The following ATP11A variants were observed in gnomAD, a reference collection of about 807,000 sequenced individuals.
ATP11A encodes the protein ATPase phospholipid transporting 11A.
A neutral mutation model predicts 154.4 loss-of-function variants in ATP11A; 81 were observed. The observed-to-expected ratio is 0.52, with a 90% CI of 0.44 to 0.63. The LOEUF (loss-of-function observed/expected upper bound fraction) is 0.63. Among genes scored for constraint, ATP11A ranks in the 30% least tolerant of loss-of-function variants. The pLI is 0.00. For missense variants in ATP11A, 1,316 were observed against 1,474.3 expected, an observed-to-expected ratio of 0.89 and a Z score of 1.76; for synonymous variants, 623 against 585.9, an observed-to-expected ratio of 1.06 and a Z score of -0.91.
intron 1 of ATP11A, among the ~76,000 whole-genome samples, chr13:112,722,996 G>C (rs538334213): frequency 2.0e-5 from 3 of 152,140 alleles, no homozygotes; most frequent in Non-Finnish European, 4.4e-5. Flanking sequence ...AAGGAGTAAG[G>C]TTCTATCTAA....
At chr13:112,819,445 T>A (rs754272095) in intron 7 of ATP11A, 38 bp downstream of exon 7, 2 of 1,586,390 alleles carry the variant, frequency 1.3e-6, no homozygotes, top group East Asian at 4.5e-5. Flanking sequence ...AACGGTTTTT[T>A]ATGCCCTCAA....
chr13:112,849,569 G>T (rs1305115587), intron 17 of ATP11A, among the ~76,000 whole-genome samples: 1 of 152,172 alleles, frequency 6.6e-6, no homozygotes, highest in African/African-American at 2.4e-5. Flanking sequence ...TATATATCTT[G>T]TATGTTTTAT....
chr13:112,821,213 C>A (rs548575098), intron 8 of ATP11A, among the ~76,000 whole-genome samples: 1 of 152,254 alleles, frequency 6.6e-6, no homozygotes, highest in East Asian at 1.9e-4. Context: ...GGCTTTTCAT[C>A]TTTATAGTTA....
At chr13:112,836,831 C>A (rs947732478) in intron 16 of ATP11A, among the ~76,000 whole-genome samples, 2 of 152,212 alleles carry the variant, frequency 1.3e-5, no homozygotes, top group African/African-American at 4.8e-5. Flanking sequence ...GTGACCCACA[C>A]GGTTGGGCAC....
chr13:112,702,536 T>C (rs1168825059), intron 1 of ATP11A, among the ~76,000 whole-genome samples: 1 of 152,138 alleles, frequency 6.6e-6, no homozygotes, highest in Non-Finnish European at 1.5e-5. Flanking sequence ...CAGGGTGGGT[T>C]CTTGTGTTCC....
intron 17 of ATP11A, among the ~76,000 whole-genome samples, chr13:112,848,307 A>G (rs1013491073): frequency 2.0e-5 from 3 of 152,074 alleles, no homozygotes; most frequent in Non-Finnish European, 2.9e-5. Context: ...TTTATTCATA[A>G]GTATTTTACT....
At chr13:112,707,415 C>CA (rs35020608) in intron 1 of ATP11A, among the ~76,000 whole-genome samples, 2,396 of 80,500 alleles carry the variant, frequency 0.03, 32 homozygotes, top group African/African-American at 0.047. Flanking sequence ...AATTCTGTCT[C>CA]AAAAAAAAAA....
At position 112,785,253 on chromosome 13, in the gene ATP11A, C is replaced by G; in HGVS notation, c.158C>G (p.Ser53Cys). 6.6e-7 allele frequency: 1 copy of G among 1,516,432 alleles called. No homozygotes were observed. Among genetic ancestry groups the G allele is most frequent in the Non-Finnish European group, 8.8e-7 (1 of 1,132,402 alleles). The allele number at this position is 1,516,432 out of a possible 1,614,324, so 93.9% of individuals were successfully genotyped here. ...TACCCAGACAACAGGATCGTCTCGT[C>G]CAAGGTAACTTGGCTTGGGTCTGAG... ...QRYPDNRIVSSKYTFWNFIPK... is the reference protein window; with the variant it reads ...QRYPDNRIVSCKYTFWNFIPK... Residue 53 changes from serine (S) to cysteine (C), a missense_variant, in exon 2 of 30, where the codon TCC becomes TGC. Transcript: ENST00000375645. This position sits in a 1 kb window ranked among gnomAD's most constrained non-coding sequence, Gnocchi z 4.8.
intron 2 of ATP11A, among the ~76,000 whole-genome samples, chr13:112,789,733 G>C (rs1192242140): frequency 6.6e-6 from 1 of 151,450 alleles, no homozygotes; most frequent in Non-Finnish European, 1.5e-5. Context: ...CGGGTGTCCT[G>C]ATGTGTAGAC....
Position 112,823,284 on chromosome 13 carries a change from C to T in ATP11A, c.726-61C>T, listed in dbSNP as rs538180289. 4.1e-5 allele frequency: 55 copies of T among 1,325,458 alleles called. 1 individual carries two copies. The highest frequency in any genetic ancestry group is 3.7e-4 in the Middle Eastern group (2 of 5,436). The allele number at this position is 1,325,458 out of a possible 1,614,324, so 82.1% of individuals were successfully genotyped here. A position where few individuals can be genotyped will look rare whatever the true frequency, so the allele number is the denominator to read the frequency against. ...AAGTGGGTTTCACGTCTGCCTCTTG[C>T]CCCCCGCCCTGCCCACTTGCCTTCG... On this transcript the variant is annotated intron_variant, in intron 8 of 29. Transcript: ENST00000375645.
chr13:112,824,370 A>G lies in ATP11A; in HGVS notation c.817A>G (p.Thr273Ala). 1 of 1,614,192 alleles carries G rather than the reference A, an allele frequency of 6.2e-7. No homozygotes were observed. The highest frequency in any genetic ancestry group is 8.5e-7 in the Non-Finnish European group (1 of 1,180,014). Residue 273 changes from threonine (T) to alanine (A), a missense_variant, in exon 10 of 30, where the codon ACC becomes GCC. Thr to Ala is a moderately conservative substitution (Grantham distance 58). This residue lies in a region of ATP11A where 876 missense variants were observed against 1,006.8 expected (regional missense o/e 0.87). Transcript: ENST00000375645. ...FGVAIYTGME[T>A]KMALNYQSKS... ...TGTGGCTATTTACACGGGAATGGAA[A>G]CCAAGATGGCATTAAATTATCAATC... is the stretch of plus-strand genomic sequence containing the variant.
chr13:112,767,905 G>C (rs1249940532), intron 1 of ATP11A, among the ~76,000 whole-genome samples: 2 of 152,124 alleles, frequency 1.3e-5, no homozygotes, highest in African/African-American at 4.8e-5. Context: ...CCGTGGACTT[G>C]TGGTTTCGCT....
chr13:112,795,628 T>C (rs1390781079), intron 2 of ATP11A, among the ~76,000 whole-genome samples: 1 of 152,354 alleles, frequency 6.6e-6, no homozygotes, highest in East Asian at 1.9e-4. Flanking sequence ...TGATGTATTA[T>C]AGAAATTTGT....
chr13:112,747,642 C>T (rs1892326725), intron 1 of ATP11A, among the ~76,000 whole-genome samples: 1 of 152,196 alleles, frequency 6.6e-6, no homozygotes, highest in African/African-American at 2.4e-5. Context: ...TCGAGACCGG[C>T]CTGGCCAACA....
intron 1 of ATP11A, among the ~76,000 whole-genome samples, chr13:112,773,038 T>A (rs773048616): frequency 7.2e-5 from 11 of 152,108 alleles, no homozygotes; most frequent in Non-Finnish European, 1.6e-4. Context: ...GAAGGCCTGG[T>A]CCATGGTGAT....
intron 17 of ATP11A, among the ~76,000 whole-genome samples, chr13:112,846,354 G>C (rs770212888): frequency 6.6e-6 from 1 of 152,020 alleles, no homozygotes; most frequent in Admixed American, 6.6e-5. Flanking sequence ...CTTTAGAGAC[G>C]GTTTCTGTTG....
chr13:112,713,965 T>TTCACTCCC (rs1888089207), intron 1 of ATP11A, among the ~76,000 whole-genome samples: 3 of 60,094 alleles, frequency 5.0e-5, no homozygotes, highest in African/African-American at 1.2e-4. Context: ...ACGCCTCCCT[T>TTCACTCCC]CCCACCCAGC....
In ATP11A at chr13:112,826,906, A is replaced by C; in HGVS notation, c.1221+15A>C. On this transcript the variant is annotated intron_variant, in intron 12 of 29. Transcript: ENST00000375645. ...AGCTGGGACAGGTTGGTGTCTCCTG[A>C]GTCATCTGCTGTGATTTATTAACAT... 6.2e-7 allele frequency: 1 copy of C among 1,613,944 alleles called. No individual in the cohort carries two copies. The highest frequency in any genetic ancestry group is 1.3e-5 in the African/African-American group (1 of 75,044).
At chr13:112,779,240 G>GGGGT (rs1353976672) in intron 1 of ATP11A, among the ~76,000 whole-genome samples, 10 of 119,896 alleles carry the variant, frequency 8.3e-5, no homozygotes, top group African/African-American at 2.8e-4. Context: ...AGTAGCCACT[G>GGGGT]GAGTAGCCGC....
Sources: gnomAD v4.1 joint callset for allele counts (sites outside exome capture counted in the v4.1 genomes callset) on GRCh38, gnomAD v4.1.1 for gene constraint, gnomAD v4.1.1 regional missense constraint, Gnocchi (gnomAD v3.1) non-coding constraint, MANE v1.5 for transcripts, NCBI Gene and HGNC (gene_info 2026-07-23, HGNC 2026-07-21) for gene names.